The following RARS2 variants were observed in gnomAD, a reference collection of about 807,000 sequenced individuals.
RARS2 encodes the protein arginyl-tRNA synthetase 2, mitochondrial, also known as probable arginine--tRNA ligase, mitochondrial.
In RARS2, 67 loss-of-function variants were observed where a neutral mutation model predicts 88.5. That is an observed-to-expected ratio of 0.76 (90% CI 0.62 to 0.93). RARS2 has a LOEUF of 0.93. RARS2 is among the 40% of genes least tolerant of loss of function. RARS2 has a pLI of 0.00. For missense variants in RARS2, 664 were observed against 684.2 expected (o/e 0.97, Z 0.33); for synonymous variants, 239 against 230.3 (o/e 1.04, Z -0.34).
chr6:87,569,977 TTGAG>T (rs1038100540), intron 1 of RARS2, among the ~76,000 whole-genome samples: 16 of 149,084 alleles, frequency 1.1e-4, no homozygotes, highest in African/African-American at 3.9e-4. Context: ...ATTAAAAAAA[TTGAG>T]TGGCTACTTA....
intron 16 of RARS2, 100 bp from the exon 17 acceptor site, chr6:87,518,364 G>A: frequency 6.3e-7 from 1 of 1,585,446 alleles, no homozygotes. Context: ...ACACAATTTT[G>A]GTCTCCTTAA....
chr6:87,580,432 G>A (rs4334949), intron 1 of RARS2, among the ~76,000 whole-genome samples: 92,211 of 151,540 alleles, frequency 0.61, 28,851 homozygotes, highest in African/African-American at 0.75. Context: ...TCCTTGAGAA[G>A]TAAACTAAAC....
chr6:87,584,772 G>C lies in RARS2; in HGVS notation c.36+5150C>G, dbSNP rs1052212914. On this transcript the variant is annotated intron_variant, in intron 1 of 19. Transcript: ENST00000369536. ...CAGAAGTCATATCTCAGGAAGCTAAGAGACAAGATGATGAATCCTTGTGCA... is the reference window on the plus strand; with the variant it reads ...CAGAAGTCATATCTCAGGAAGCTAACAGACAAGATGATGAATCCTTGTGCA... 3.5e-5 allele frequency: 16 copies of C among 454,696 alleles called. No homozygotes were observed. In the East Asian group the frequency reaches 1.1e-3, roughly 32 times the overall value. 28.2% of individuals were successfully genotyped at this position (454,696 alleles called of 1,614,324 possible).
At chr6:87,541,382 G>T (rs1373180152) in intron 8 of RARS2, among the ~76,000 whole-genome samples, 1 of 152,120 alleles carries the variant, frequency 6.6e-6, no homozygotes, top group African/African-American at 2.4e-5. Flanking sequence ...TCATTATGTT[G>T]CCCAAACTGG....
chr6:87,522,078 C>G (rs986690612), intron 11 of RARS2, among the ~76,000 whole-genome samples: 2 of 152,166 alleles, frequency 1.3e-5, no homozygotes, highest in Non-Finnish European at 2.9e-5. Context: ...CGCCTGTAAT[C>G]CCAAGCACTT....
At chr6:87,521,919 AT>A (rs1773983559) in intron 11 of RARS2, among the ~76,000 whole-genome samples, 1 of 152,234 alleles carries the variant, frequency 6.6e-6, no homozygotes, top group African/African-American at 2.4e-5. Flanking sequence ...TAATGAACAT[AT>A]TTAAAATATA....
intron 2 of RARS2, chr6:87,564,677 TAAATA>T (rs772121928): frequency 1.1e-5 from 3 of 264,532 alleles, no homozygotes; most frequent in East Asian, 1.2e-4. Context: ...CTCAAAAAAG[TAAATA>T]AAATAAAATA....
At chr6:87,584,007 C>G (rs1345950051) in intron 1 of RARS2, among the ~76,000 whole-genome samples, 1 of 152,142 alleles carries the variant, frequency 6.6e-6, no homozygotes, top group Non-Finnish European at 1.5e-5. Context: ...AACATTTCTG[C>G]GTATGTAAAC....
intron 12 of RARS2, 108 bp downstream of exon 12, chr6:87,521,356 G>A: frequency 2.3e-6 from 2 of 870,928 alleles, no homozygotes; most frequent in East Asian, 2.5e-5. Flanking sequence ...CATACTTAAT[G>A]TTGACTTCTC....
chr6:87,567,786 T>A (rs1252885263), intron 2 of RARS2, among the ~76,000 whole-genome samples: 1 of 152,226 alleles, frequency 6.6e-6, no homozygotes, highest in African/African-American at 2.4e-5. Context: ...TATTTACTTT[T>A]TTTGAGACGG....
At chr6:87,543,224 A>C (rs1298768174) in intron 7 of RARS2, among the ~76,000 whole-genome samples, 1 of 152,092 alleles carries the variant, frequency 6.6e-6, no homozygotes, top group Non-Finnish European at 1.5e-5. Flanking sequence ...AATCGCTTGA[A>C]CCTGGGAGGC....
chr6:87,514,446 TTTCA>T lies in RARS2; in HGVS notation c.1700_1703del (p.Met567AsnfsTer5), dbSNP rs752836817. 6.2e-7 allele frequency: 1 copy of T among 1,612,286 alleles called. No individual in the cohort carries two copies. The highest frequency in any genetic ancestry group is 1.7e-5 in the Admixed American group (1 of 60,008). ...TACATACAGGTGTTATTCCAAGAAG[TTTCA>T]TTCCATTGGCTAGGACAGAACGGAC... On this transcript the variant is annotated frameshift_variant, in exon 20 of 20. Coordinates refer to ENST00000369536, the MANE Select transcript of RARS2 (RefSeq NM_020320.5). LOFTEE classifies it high-confidence loss of function.
Position 87,514,854 on chromosome 6 carries a change from A to G in RARS2, c.1650+103T>C, listed in dbSNP as rs1174736536. On this transcript the variant is annotated intron_variant, in intron 19 of 19. Coordinates refer to ENST00000369536, the MANE Select transcript of RARS2 (RefSeq NM_020320.5). The stretch of plus-strand genomic sequence containing the variant: ...ATTAGCTAAGGAAGTATACTGCTAC[A>G]GTTGAACAACAGAATGCTATTTTAG... 4.3e-6 allele frequency: 4 copies of G among 924,708 alleles called. No homozygotes were observed. The African/African-American group carries it at 6.5e-5, about 15-fold the overall frequency. 57.3% of individuals were successfully genotyped at this position (924,708 alleles called of 1,614,324 possible).
At chr6:87,555,312 CAT>C (rs550579919) in intron 5 of RARS2, 94 bp downstream of exon 5, 163 of 907,906 alleles carry the variant, frequency 1.8e-4, no homozygotes, top group African/African-American at 6.0e-4. Context: ...AAGTTTTCCA[CAT>C]GTTATTTATT....
intron 1 of RARS2, among the ~76,000 whole-genome samples, chr6:87,580,191 C>G (rs1257079816): frequency 6.6e-6 from 1 of 152,092 alleles, no homozygotes; most frequent in Non-Finnish European, 1.5e-5. Flanking sequence ...GGTTTATTTT[C>G]TTTTGCTCCC....
At chr6:87,575,364 TGA>T (rs1409885911) in intron 1 of RARS2, among the ~76,000 whole-genome samples, 1 of 150,894 alleles carries the variant, frequency 6.6e-6, no homozygotes, top group African/African-American at 2.4e-5. Flanking sequence ...GCAGAAGTGA[TGA>T]GAGAGAGGGA....
chr6:87,517,878 A>G (rs570553309), intron 17 of RARS2, among the ~76,000 whole-genome samples: 1 of 152,294 alleles, frequency 6.6e-6, no homozygotes, highest in African/African-American at 2.4e-5. Context: ...AACTAAAACT[A>G]AAAAAGGTTA....
At chr6:87,579,094 T>C (rs1480964353) in intron 1 of RARS2, among the ~76,000 whole-genome samples, 1 of 150,442 alleles carries the variant, frequency 6.6e-6, no homozygotes, top group African/African-American at 2.4e-5. Context: ...GGTAGCTAAA[T>C]AATTTTCCAG....
Position 87,530,908 on chromosome 6 carries a change from T to A in RARS2, c.647A>T (p.Asp216Val), listed in dbSNP as rs369668325. Residue 216 changes from aspartate to valine, a missense_variant, in exon 9 of 20, where the codon GAT (aspartate) becomes GTT (valine). Physicochemically the swap from Asp to Val is radical, Grantham distance 152. Transcript: ENST00000369536. ...CTGTGCTGCTTTTGCTACACTTTTA[T>A]CATCTGCTGCTTCTTTATTAACTTG... ...YVQVNKEAAD[D>V]KSVAKAAQEF... is the part of the protein sequence containing the mutation. 14 of 1,614,098 alleles carry A rather than the reference T, an allele frequency of 8.7e-6. No individual in the cohort carries two copies. Among genetic ancestry groups the A allele is most frequent in the Non-Finnish European group, 1.2e-5 (14 of 1,180,024 alleles).
Sources: gnomAD v4.1 joint callset for allele counts (sites outside exome capture counted in the v4.1 genomes callset) on GRCh38, gnomAD v4.1.1 for gene constraint, MANE v1.5 for transcripts, NCBI Gene and HGNC (gene_info 2026-07-23, HGNC 2026-07-21) for gene names.